Variants in DUSP22 observed in about 807,000 individuals in gnomAD.
The protein encoded by DUSP22 is dual specificity protein phosphatase 22.
Under a neutral mutation model 24.5 loss-of-function variants are expected in DUSP22, and 24 were observed. That is an observed-to-expected ratio of 0.98 (90% CI 0.71 to 1.38). The LOEUF (loss-of-function observed/expected upper bound fraction) is 1.38. DUSP22 is among the 40% of genes most tolerant of loss of function. The probability of loss-of-function intolerance (pLI) is 0.00; values close to 1 mark genes in which losing one functional copy is unlikely to be tolerated. For missense variants in DUSP22, 330 were observed against 269.2 expected (o/e 1.23, Z -1.58); for synonymous variants, 160 against 106.4 (o/e 1.50, Z -3.10).
rs1760024923 is a variant in DUSP22, at chr6:348,892, T to C, written c.559T>C (p.Trp187Arg). 6.2e-7 allele frequency: 1 copy of C among 1,613,982 alleles called. No homozygotes were observed. The highest frequency in any genetic ancestry group is 8.5e-7 in the Non-Finnish European group (1 of 1,179,966). ...RTEPQPGARR[W>R]SSFPALAPLT... Reference sequence around the variant, plus strand: ...AGAGCCCCAGCCCGGCGCCAGGCGGTGGAGCAGTTTTCCGGCACTGGCTCC... The same window carrying C: ...AGAGCCCCAGCCCGGCGCCAGGCGGCGGAGCAGTTTTCCGGCACTGGCTCC... Residue 187 changes from tryptophan to arginine, a missense_variant, in exon 7 of 7, where the codon TGG becomes CGG. Trp to Arg is a moderately radical substitution (Grantham distance 101). Transcript: ENST00000419235.
At position 347,864 on chromosome 6, in the gene DUSP22, A is replaced by G. The variant is rs1759955620; in HGVS notation, c.264-239A>G. Among the ~76,000 whole-genome samples, 4 of 152,304 alleles carry G rather than the reference A, an allele frequency of 2.6e-5. No homozygotes were observed. In the South Asian group the frequency reaches 8.3e-4, roughly 32 times the overall value. ...CATCTGGAGCCACAGCCCATAGAAA[A>G]CCAATAAAAGAAGCTCAAACAGCAG... is the stretch of plus-strand genomic sequence containing the variant. On this transcript the variant is annotated intron_variant, in intron 5 of 6. Coordinates refer to ENST00000419235, the MANE Select transcript of DUSP22 (RefSeq NM_001286555.3).
At chr6:302,192 C>A (rs1194521246) in intron 1 of DUSP22, among the ~76,000 whole-genome samples, 1 of 152,304 alleles carries the variant, frequency 6.6e-6, no homozygotes, top group Non-Finnish European at 1.5e-5. Context: ...CACAGCTGTA[C>A]CTTTCCTGTT....
chr6:333,082 G>T (rs879439603), intron 3 of DUSP22, among the ~76,000 whole-genome samples: 2 of 152,308 alleles, frequency 1.3e-5, no homozygotes, highest in African/African-American at 2.4e-5. Flanking sequence ...TTCCTTTTCC[G>T]TTTGTTTTCC....
At chr6:329,980 C>T (rs1451563665) in intron 3 of DUSP22, among the ~76,000 whole-genome samples, 1 of 152,272 alleles carries the variant, frequency 6.6e-6, no homozygotes, top group African/African-American at 2.4e-5. Context: ...TGAGAGTTCG[C>T]TGGCTGGTTT....
At chr6:335,071 T>C in intron 3 of DUSP22, 43 bp from the exon 4 acceptor site, 1 of 1,597,962 alleles carries the variant, frequency 6.3e-7, no homozygotes, top group Non-Finnish European at 8.6e-7. Context: ...CCACTGAGTT[T>C]CATGTTTTTA....
chr6:299,008 C>T (rs1481466430), intron 1 of DUSP22, among the ~76,000 whole-genome samples: 1 of 152,308 alleles, frequency 6.6e-6, no homozygotes, highest in East Asian at 1.9e-4. Context: ...TGGAAATGGT[C>T]ATCTTGTGGG....
In DUSP22 at chr6:345,842, T is replaced by A; in HGVS notation, c.189-12T>A. 2 of 1,613,914 alleles carry A rather than the reference T, an allele frequency of 1.2e-6. No individual in the cohort carries two copies. The highest frequency in any genetic ancestry group is 1.7e-6 in the Non-Finnish European group (2 of 1,179,896). On this transcript the variant is annotated splice_polypyrimidine_tract_variant and intron_variant, in intron 4 of 6. Coordinates refer to ENST00000419235, the MANE Select transcript of DUSP22 (RefSeq NM_001286555.3). Reference sequence around the variant, plus strand: ...GTAGAGAGATGTCATTTCTCTTTTTTTCTTTTCCCAGGACAAGACATTTCA... The same window carrying A: ...GTAGAGAGATGTCATTTCTCTTTTTATCTTTTCCCAGGACAAGACATTTCA...
intron 6 of DUSP22, chr6:348,568 C>A: frequency 2.0e-6 from 2 of 978,390 alleles, no homozygotes; most frequent in Non-Finnish European, 3.0e-6. Context: ...ATTTTCATGT[C>A]CTAGGCCAGC....
intron 3 of DUSP22, among the ~76,000 whole-genome samples, chr6:333,387 A>G (rs1172855570): frequency 1.3e-5 from 2 of 152,308 alleles, no homozygotes; most frequent in Admixed American, 6.5e-5. Context: ...CCTTTATTGG[A>G]AGGTGTAAAG....
At chr6:320,524 G>A (rs1198825492) in intron 3 of DUSP22, among the ~76,000 whole-genome samples, 2 of 152,310 alleles carry the variant, frequency 1.3e-5, no homozygotes, top group Admixed American at 6.5e-5. Context: ...CGGACTGAGT[G>A]TAGTGTGCAT....
chr6:333,958 G>T (rs1259508186), intron 3 of DUSP22, among the ~76,000 whole-genome samples: 1 of 152,308 alleles, frequency 6.6e-6, no homozygotes, highest in East Asian at 1.9e-4. Context: ...TAGGAGGTGT[G>T]GAAGGATTAG....
intron 3 of DUSP22, among the ~76,000 whole-genome samples, chr6:321,460 C>T (rs538642906): frequency 7.9e-5 from 12 of 152,420 alleles, no homozygotes; most frequent in South Asian, 4.1e-4. Flanking sequence ...CAGAGACCCT[C>T]GAAAGCTCTT....
chr6:321,939 T>A (rs1429689458), intron 3 of DUSP22, among the ~76,000 whole-genome samples: 2 of 152,300 alleles, frequency 1.3e-5, no homozygotes, highest in African/African-American at 4.8e-5. Context: ...GGGACCAAGC[T>A]CAGTCATGGG....
intron 3 of DUSP22, among the ~76,000 whole-genome samples, chr6:316,003 C>T (rs890281555): frequency 1.1e-4 from 17 of 152,300 alleles, no homozygotes; most frequent in African/African-American, 4.1e-4. Flanking sequence ...CTTCTTCTGC[C>T]GTTGAATCTG....
intron 3 of DUSP22, among the ~76,000 whole-genome samples, chr6:318,068 G>C (rs1382812673): frequency 1.3e-5 from 2 of 152,306 alleles, no homozygotes; most frequent in African/African-American, 2.4e-5. Flanking sequence ...TTAGTAAGCA[G>C]CGGTGCCTGT....
chr6:306,526 G>A (rs1018531716), intron 2 of DUSP22, among the ~76,000 whole-genome samples: 4 of 152,296 alleles, frequency 2.6e-5, no homozygotes, highest in African/African-American at 9.6e-5. Context: ...TTGTTCATAG[G>A]GTTAATGCTG....
At chr6:309,154 G>A (rs1028247844) in intron 2 of DUSP22, among the ~76,000 whole-genome samples, 1 of 152,306 alleles carries the variant, frequency 6.6e-6, no homozygotes, top group South Asian at 2.1e-4. Context: ...TGAGGGGTTG[G>A]GGGTTGGCAG....
intron 3 of DUSP22, among the ~76,000 whole-genome samples, chr6:324,315 G>A (rs569843747): frequency 1.6e-4 from 24 of 152,418 alleles, no homozygotes; most frequent in Non-Finnish European, 2.5e-4. Context: ...GAGGAGTGCC[G>A]CCCTTCCTGG....
chr6:296,815 G>T (rs867339328), intron 1 of DUSP22, among the ~76,000 whole-genome samples: 4 of 152,300 alleles, frequency 2.6e-5, no homozygotes, highest in Admixed American at 1.3e-4. Flanking sequence ...TTCTAGGGCA[G>T]GATATGAGGA....
Sources: gnomAD v4.1 joint callset for allele counts (sites outside exome capture counted in the v4.1 genomes callset) on GRCh38, gnomAD v4.1.1 for gene constraint, MANE v1.5 for transcripts, NCBI Gene and HGNC (gene_info 2026-07-23, HGNC 2026-07-21) for gene names.